FNDC3A: variants seen among roughly 807,000 people sequenced by gnomAD.
FNDC3A encodes the protein fibronectin type-III domain-containing protein 3A.
In FNDC3A, 32 loss-of-function variants were observed where a neutral mutation model predicts 148.9. The ratio of observed to expected loss-of-function variants is 0.21; its 90% CI spans 0.16 to 0.29. The LOEUF (loss-of-function observed/expected upper bound fraction) is 0.29. Among genes scored for constraint, FNDC3A ranks in the 10% least tolerant of loss-of-function variants. FNDC3A has a pLI of 1.00. For missense variants in FNDC3A, 1,191 were observed against 1,452.8 expected (o/e 0.82, Z 2.93); for synonymous variants, 472 against 473.6 (o/e 1.00, Z 0.04).
chr13:49,136,501 A>G lies in FNDC3A; in HGVS notation c.660A>G (p.Gly220=). The G allele has an allele frequency of 1.2e-6, 2 of 1,613,986 alleles. No homozygotes were observed. Among genetic ancestry groups the G allele is most frequent in the Non-Finnish European group, 1.7e-6 (2 of 1,179,870 alleles). ...CTTCTCCCATTAATGAACATAATGG[A>G]CTTATAAAAGGACAAATTGCTGGTG... ...KCPSPINEHN[G]LIKGQIAGGI... Residue 220 remains glycine (G), a synonymous_variant, in exon 6 of 26, where the codon GGA becomes GGG. Coordinates refer to ENST00000492622, the MANE Select transcript of FNDC3A (RefSeq NM_001079673.2).
chr13:49,190,554 A>G (rs1885832769), intron 17 of FNDC3A, among the ~76,000 whole-genome samples: 2 of 152,242 alleles, frequency 1.3e-5, no homozygotes, highest in South Asian at 2.1e-4. Context: ...TAGGTTAAAA[A>G]TACAGTCTAC....
At chr13:49,002,159 T>C (rs1049553639) in intron 1 of FNDC3A, among the ~76,000 whole-genome samples, 2 of 152,320 alleles carry the variant, frequency 1.3e-5, no homozygotes, top group African/African-American at 2.4e-5. Flanking sequence ...TATTTCTTTT[T>C]CTTGCTCAGT....
intron 3 of FNDC3A, among the ~76,000 whole-genome samples, chr13:49,103,577 G>C (rs988023867): frequency 6.6e-6 from 1 of 152,162 alleles, no homozygotes; most frequent in South Asian, 2.1e-4. Context: ...AGGGACTGGG[G>C]GCAAGGAGAC....
At chr13:49,151,030 T>C (rs753515867) in intron 8 of FNDC3A, among the ~76,000 whole-genome samples, 10 of 152,142 alleles carry the variant, frequency 6.6e-5, no homozygotes, top group Non-Finnish European at 1.2e-4. Context: ...GTTTCATGTG[T>C]TGTAAAGAAG....
chr13:49,196,832 T>G, intron 19 of FNDC3A, 45 bp from the exon 20 acceptor site: 1 of 1,037,660 alleles, frequency 9.6e-7, no homozygotes, highest in Non-Finnish European at 1.5e-6. Context: ...TCAGTGGACA[T>G]TTAAGGGTGA....
At chr13:49,093,787 C>T (rs1379077226) in intron 3 of FNDC3A, among the ~76,000 whole-genome samples, 2 of 152,100 alleles carry the variant, frequency 1.3e-5, no homozygotes, top group African/African-American at 4.8e-5. Context: ...AATTATTATA[C>T]CAAATACTCT....
chr13:49,095,131 A>T (rs979973459), intron 3 of FNDC3A, among the ~76,000 whole-genome samples: 79 of 152,136 alleles, frequency 5.2e-4, no homozygotes, highest in African/African-American at 1.6e-3. Context: ...AACTTTATTT[A>T]AAAATGTATA....
rs149598902 is a variant in FNDC3A at position 49,030,496 on chromosome 13, C to T, written c.99+24207C>T. On this transcript the variant is annotated intron_variant, in intron 2 of 25. Transcript: ENST00000492622. ...TCCTGCTGTCACCACTTCTATTCAA[C>T]GTTGTACTGGAAGTCCTAGCCTGGG... Among the ~76,000 whole-genome samples, 94 of 152,266 alleles carry T rather than the reference C, an allele frequency of 6.2e-4. 1 individual carries two copies. The East Asian group carries it at 0.015, about 25-fold the overall frequency.
At chr13:48,975,861 C>T (rs1384080823), upstream of FNDC3A, 2 of 151,504 alleles carry the variant, frequency 1.3e-5, no homozygotes, top group Non-Finnish European at 3.0e-5. Context: ...CCGCGGGCTC[C>T]GTCGGCGGGG....
chr13:48,985,165 T>C (rs1951764722), intron 1 of FNDC3A, among the ~76,000 whole-genome samples: 1 of 152,272 alleles, frequency 6.6e-6, no homozygotes, highest in South Asian at 2.1e-4. Context: ...AAATTAATAT[T>C]CAAGGTATAT....
chr13:49,052,515 G>T (rs960076111), intron 2 of FNDC3A, among the ~76,000 whole-genome samples: 3 of 152,156 alleles, frequency 2.0e-5, no homozygotes, highest in Non-Finnish European at 4.4e-5. Context: ...GCAGAGTCCT[G>T]TGATATGATC....
At chr13:49,189,486 AT>A (rs910738817) in intron 17 of FNDC3A, among the ~76,000 whole-genome samples, 226 of 145,052 alleles carry the variant, frequency 1.6e-3, no homozygotes, top group South Asian at 5.5e-3. Context: ...CGGCCAAGTG[AT>A]TTTTTTTTTT....
chr13:49,126,983 G>A (rs572354770), intron 4 of FNDC3A, among the ~76,000 whole-genome samples: 3 of 152,220 alleles, frequency 2.0e-5, no homozygotes, highest in Admixed American at 6.5e-5. Context: ...ACAGTCAAAC[G>A]GTATCTTCCA....
At position 49,201,768 on chromosome 13, in the gene FNDC3A, T is replaced by C. The variant is rs771843955; in HGVS notation, c.2988-32T>C. On this transcript the variant is annotated intron_variant, in intron 23 of 25. Transcript: ENST00000492622. ...TTTAATAAGGTATCATAAGGTAGTA[T>C]AAGGTTTATCTAATAGTTATTTCCA... The C allele has an allele frequency of 3.5e-6, 4 of 1,144,792 alleles. No homozygotes were observed. In the South Asian group the frequency reaches 8.0e-5, roughly 23 times the overall value. 70.9% of individuals were successfully genotyped at this position (1,144,792 alleles called of 1,614,324 possible).
At chr13:48,980,211 T>G (rs943972675) in intron 1 of FNDC3A, among the ~76,000 whole-genome samples, 2 of 152,174 alleles carry the variant, frequency 1.3e-5, no homozygotes, top group African/African-American at 4.8e-5. Context: ...TGAAAATAGC[T>G]ACACAGTGGC....
chr13:49,128,063 G>A (rs1881809316), intron 4 of FNDC3A, among the ~76,000 whole-genome samples: 1 of 152,082 alleles, frequency 6.6e-6, no homozygotes, highest in African/African-American at 2.4e-5. Context: ...TGTATTTTTA[G>A]TAGAGATGTA....
intron 8 of FNDC3A, among the ~76,000 whole-genome samples, chr13:49,156,364 A>G (rs1175909496): frequency 3.4e-5 from 5 of 148,174 alleles, no homozygotes; most frequent in Non-Finnish European, 7.5e-5. Context: ...TTTGTTTTCC[A>G]TTTGCTTGGT....
intron 2 of FNDC3A, among the ~76,000 whole-genome samples, chr13:49,027,139 A>T (rs1349544981): frequency 6.6e-6 from 1 of 152,242 alleles, no homozygotes. Flanking sequence ...GCTCATAGTT[A>T]GCCAGTTGAC....
chr13:49,079,276 T>G (rs971332019), intron 3 of FNDC3A, among the ~76,000 whole-genome samples: 6 of 152,158 alleles, frequency 3.9e-5, no homozygotes, highest in Non-Finnish European at 7.3e-5. Context: ...TGCTGGACAT[T>G]CAAACAAAAT....
Sources: gnomAD v4.1 joint callset for allele counts (sites outside exome capture counted in the v4.1 genomes callset) on GRCh38, gnomAD v4.1.1 for gene constraint, MANE v1.5 for transcripts, NCBI Gene and HGNC (gene_info 2026-07-23, HGNC 2026-07-21) for gene names.